BEND6: variants seen among roughly 807,000 people sequenced by gnomAD.
BEND6 encodes the protein BEN domain-containing protein 6.
Under a neutral mutation model 31.8 loss-of-function variants are expected in BEND6, and 24 were observed. The ratio of observed to expected loss-of-function variants is 0.75; its 90% confidence interval spans 0.55 to 1.06. BEND6 has a LOEUF of 1.06. Among genes scored for constraint, BEND6 ranks in the 50% least tolerant of loss-of-function variants. The pLI, the probability that BEND6 is intolerant of heterozygous loss-of-function variation, is 0.00. For synonymous variants in BEND6, 109 were observed against 114.6 expected, an observed-to-expected ratio of 0.95 and a Z score of 0.31; for missense variants, 294 against 327.4, an observed-to-expected ratio of 0.90 and a Z score of 0.79.
intron 2 of BEND6, among the ~76,000 whole-genome samples, chr6:56,983,579 G>C (rs1420823549): frequency 6.6e-6 from 1 of 151,988 alleles, no homozygotes; most frequent in Non-Finnish European, 1.5e-5. Context: ...TCTGCGTCTG[G>C]TTTACTTCAC....
chr6:57,022,272 G>T (rs1827774653), intron 6 of BEND6, among the ~76,000 whole-genome samples: 2 of 147,740 alleles, frequency 1.4e-5, no homozygotes, highest in South Asian at 4.3e-4. Flanking sequence ...TTTCTTTGAT[G>T]GAAGACTTTT....
intron 2 of BEND6, among the ~76,000 whole-genome samples, chr6:56,983,975 T>C (rs1156535760): frequency 6.6e-6 from 1 of 152,106 alleles, no homozygotes; most frequent in East Asian, 1.9e-4. Context: ...TCCCAGCACT[T>C]TGGAAGGCTG....
chr6:56,984,279 G>GA (rs750377128), intron 2 of BEND6, among the ~76,000 whole-genome samples: 19 of 151,864 alleles, frequency 1.3e-4, no homozygotes, highest in Non-Finnish European at 2.5e-4. Flanking sequence ...ATTTATCTGG[G>GA]AAAAATACAT....
At chr6:56,992,029 C>G (rs1162030453) in intron 2 of BEND6, among the ~76,000 whole-genome samples, 3 of 152,224 alleles carry the variant, frequency 2.0e-5, no homozygotes, top group Non-Finnish European at 2.9e-5. Context: ...TATGGTGAGG[C>G]ATTCTGCTCA....
chr6:56,956,898 A>G (rs1255875348), intron 1 of BEND6, among the ~76,000 whole-genome samples: 3 of 152,272 alleles, frequency 2.0e-5, no homozygotes, highest in African/African-American at 7.2e-5. Flanking sequence ...TGACTCAACA[A>G]TGGCATGGTG....
chr6:56,981,790 C>T lies in BEND6; in HGVS notation c.-21C>T. The T allele has an allele frequency of 3.1e-6, 5 of 1,610,014 alleles. No individual in the cohort carries two copies. The highest frequency in any genetic ancestry group is 2.2e-5 in the South Asian group (2 of 90,510). ...CCCTACTCCTAGGATTTCAGAAAACCTTTGATAACTAATTGAGAAAATGCA... is the reference window on the plus strand; with the variant it reads ...CCCTACTCCTAGGATTTCAGAAAACTTTTGATAACTAATTGAGAAAATGCA... On this transcript the variant is annotated 5_prime_UTR_variant, in exon 2 of 7. Coordinates refer to ENST00000370746, the MANE Select transcript of BEND6 (RefSeq NM_152731.3).
intron 3 of BEND6, 48 bp from the exon 4 acceptor site, chr6:57,015,085 C>A (rs749961367): frequency 6.6e-7 from 1 of 1,509,242 alleles, no homozygotes; most frequent in Non-Finnish European, 9.2e-7. Context: ...TACATATGCA[C>A]CTATTATCAA....
chr6:56,962,565 A>G (rs945896849), intron 1 of BEND6, among the ~76,000 whole-genome samples: 2 of 152,214 alleles, frequency 1.3e-5, no homozygotes, highest in Non-Finnish European at 1.5e-5. Context: ...CCTTGGATCA[A>G]TATGATTTCC....
chr6:57,006,051 G>T (rs540758718), intron 3 of BEND6, among the ~76,000 whole-genome samples: 1 of 152,162 alleles, frequency 6.6e-6, no homozygotes, highest in African/African-American at 2.4e-5. Flanking sequence ...GCGTAGGAGC[G>T]AAGAGGTAAA....
At chr6:57,011,715 CA>C (rs770049459) in intron 3 of BEND6, among the ~76,000 whole-genome samples, 262 of 34,118 alleles carry the variant, frequency 7.7e-3, no homozygotes, top group African/African-American at 9.8e-3. Context: ...GGCCCTGTCT[CA>C]AAAAAAAAAA....
At chr6:56,959,930 T>C (rs1172933911) in intron 1 of BEND6, among the ~76,000 whole-genome samples, 1 of 152,054 alleles carries the variant, frequency 6.6e-6, no homozygotes, top group African/African-American at 2.4e-5. Flanking sequence ...ATTCCAGGAG[T>C]ATGTGAGGGG....
intron 3 of BEND6, among the ~76,000 whole-genome samples, chr6:57,011,292 A>G (rs1408533092): frequency 6.6e-6 from 1 of 152,210 alleles, no homozygotes; most frequent in East Asian, 1.9e-4. Flanking sequence ...CTTTCTAGAG[A>G]GCAATTCAGC....
intron 1 of BEND6, among the ~76,000 whole-genome samples, chr6:56,960,754 A>G (rs1825260175): frequency 6.6e-6 from 1 of 152,224 alleles, no homozygotes; most frequent in South Asian, 2.1e-4. Context: ...ATGATTAGTA[A>G]AAGATGTATT....
At position 57,026,518 on chromosome 6, in the gene BEND6, C is replaced by A. The variant is rs1404517489; in HGVS notation, c.*446C>A. 1.3e-5 allele frequency: 2 copies of A among 152,154 alleles called. No homozygotes were observed. The highest frequency in any genetic ancestry group is 2.9e-5 in the Non-Finnish European group (2 of 68,042). 9.4% of individuals were successfully genotyped at this position (152,154 alleles called of 1,614,324 possible). ...CCCATTATAGTTTTTGGATCTTTAG[C>A]ATAAGCACATGCTTGCAAAAGTAAA... On this transcript the variant is annotated 3_prime_UTR_variant, in exon 7 of 7. Coordinates refer to ENST00000370746, the MANE Select transcript of BEND6 (RefSeq NM_152731.3).
At chr6:56,983,292 A>G (rs1826134305) in intron 2 of BEND6, among the ~76,000 whole-genome samples, 1 of 151,974 alleles carries the variant, frequency 6.6e-6, no homozygotes, top group East Asian at 1.9e-4. Flanking sequence ...ACCCATTTTT[A>G]AAATTTTTGT....
intron 1 of BEND6, among the ~76,000 whole-genome samples, chr6:56,957,656 T>G (rs1184258898): frequency 6.6e-6 from 1 of 152,152 alleles, no homozygotes; most frequent in Non-Finnish European, 1.5e-5. Context: ...AGGATAGGGA[T>G]GGAGGGGGAG....
chr6:57,003,285 G>A (rs1487807576), intron 3 of BEND6, among the ~76,000 whole-genome samples: 1 of 152,134 alleles, frequency 6.6e-6, no homozygotes, highest in East Asian at 1.9e-4. Context: ...AGGATTGCTT[G>A]ATCTCAGAGT....
chr6:56,987,010 G>A (rs557356610), intron 2 of BEND6, among the ~76,000 whole-genome samples: 1 of 130,884 alleles, frequency 7.6e-6, no homozygotes, highest in African/African-American at 2.9e-5. Context: ...GACTCTTGCT[G>A]TATCACCCAG....
chr6:57,009,741 A>T (rs1051354614), intron 3 of BEND6: 1 of 152,220 alleles, frequency 6.6e-6, no homozygotes, highest in East Asian at 1.9e-4. Flanking sequence ...GAGCATGAAT[A>T]AGAATGACAA....
Sources: gnomAD v4.1 joint callset for allele counts (sites outside exome capture counted in the v4.1 genomes callset) on GRCh38, gnomAD v4.1.1 for gene constraint, MANE v1.5 for transcripts, NCBI Gene and HGNC (gene_info 2026-07-23, HGNC 2026-07-21) for gene names.